The following TFCP2 variants were observed in gnomAD, a reference collection of about 807,000 sequenced individuals.
TFCP2 encodes the protein alpha-globin transcription factor CP2.
A neutral mutation model predicts 73.4 loss-of-function variants in TFCP2; 33 were observed. That is an observed-to-expected ratio of 0.45 (90% CI 0.34 to 0.60). TFCP2 has a LOEUF of 0.60. TFCP2 is among the 20% of genes least tolerant of loss of function. The pLI, the probability that TFCP2 is intolerant of heterozygous loss-of-function variation, is 0.01. For missense variants in TFCP2, 352 were observed against 604.0 expected, an observed-to-expected ratio of 0.58 and a Z score of 4.37; for synonymous variants, 193 against 211.6, an observed-to-expected ratio of 0.91 and a Z score of 0.76.
At chr12:51,105,826 C>G (rs1245087515) in intron 8 of TFCP2, among the ~76,000 whole-genome samples, 3 of 152,144 alleles carry the variant, frequency 2.0e-5, no homozygotes, top group African/African-American at 7.2e-5. Context: ...ACAAACATTG[C>G]AACCAAACAA....
intron 1 of TFCP2, among the ~76,000 whole-genome samples, chr12:51,161,005 A>G (rs977750914): frequency 1.3e-5 from 2 of 152,152 alleles, no homozygotes; most frequent in African/African-American, 4.8e-5. Context: ...ACACATGCAC[A>G]CCCCCGACTG....
At chr12:51,109,034 C>T (rs899864407) in intron 6 of TFCP2, 87 bp downstream of exon 6, 1 of 1,462,458 alleles carries the variant, frequency 6.8e-7, no homozygotes, top group Non-Finnish European at 9.3e-7. Flanking sequence ...CAAAAAAAGA[C>T]AAGTTGATTT....
intron 1 of TFCP2, among the ~76,000 whole-genome samples, chr12:51,159,449 A>C (rs1165639717): frequency 6.6e-6 from 1 of 151,148 alleles, no homozygotes; most frequent in African/African-American, 2.4e-5. Context: ...AGCGATTCTC[A>C]TGCCTCAGCC....
At chr12:51,099,442 T>C (rs568390924) in intron 12 of TFCP2, among the ~76,000 whole-genome samples, 2 of 150,782 alleles carry the variant, frequency 1.3e-5, no homozygotes, top group South Asian at 4.2e-4. Flanking sequence ...TGTGCCACTG[T>C]ACTTCAGCCT....
chr12:51,131,111 C>A (rs1005421512), intron 1 of TFCP2, among the ~76,000 whole-genome samples: 1 of 150,806 alleles, frequency 6.6e-6, no homozygotes, highest in Non-Finnish European at 1.5e-5. Context: ...GGGCGGATCA[C>A]GGGGTCAGGA....
chr12:51,095,361 G>A (rs1939930175), intron 14 of TFCP2, 83 bp from the exon 15 acceptor site: 11 of 1,444,572 alleles, frequency 7.6e-6, no homozygotes, highest in Middle Eastern at 1.7e-4. Context: ...TAAGATTCTC[G>A]TGAGAAGGGG....
chr12:51,106,091 G>C (rs1940231962), intron 8 of TFCP2, among the ~76,000 whole-genome samples: 1 of 152,160 alleles, frequency 6.6e-6, no homozygotes, highest in African/African-American at 2.4e-5. Flanking sequence ...ATAATTAGGT[G>C]TTAGAAGTAT....
chr12:51,117,791 C>A, intron 2 of TFCP2, 44 bp from the exon 3 acceptor site: 1 of 1,370,216 alleles, frequency 7.3e-7, no homozygotes, highest in Non-Finnish European at 1.0e-6. Context: ...CACAAATTAA[C>A]TTTGCTAGAT....
intron 1 of TFCP2, among the ~76,000 whole-genome samples, chr12:51,156,070 A>G (rs888685596): frequency 7.4e-5 from 11 of 148,048 alleles, no homozygotes; most frequent in African/African-American, 2.7e-4. Context: ...AAAAAAAAAA[A>G]AGAAAGAACT....
chr12:51,136,318 GAA>G, intron 1 of TFCP2, among the ~76,000 whole-genome samples: 1 of 137,334 alleles, frequency 7.3e-6, no homozygotes, highest in South Asian at 2.4e-4. Context: ...AAAAAAAAAA[GAA>G]AAAGAAAAAG....
chr12:51,172,413 C>T lies in TFCP2; in HGVS notation c.10G>A (p.Ala4Thr), dbSNP rs1187189577. The T allele has an allele frequency of 1.2e-6, 2 of 1,613,970 alleles. No individual in the cohort carries two copies. The highest frequency in any genetic ancestry group is 1.3e-5 in the African/African-American group (1 of 74,904). ...TCGTCGGCCAGAGGCAGCTTCAGAG[C>T]CCAGGCCATCCTGGCTCCTTCCTTG... The part of the protein sequence containing the change: MAW[A>T]LKLPLADEVI... The change falls in exon 1 of 15, where the codon GCT becomes ACT. Residue 4 changes from alanine to threonine, a missense_variant. Around this residue, in one of 6 missense-constraint regions of TFCP2, gnomAD observed 76 missense variants for 163.2 expected, o/e 0.47. Coordinates refer to ENST00000257915, the MANE Select transcript of TFCP2 (RefSeq NM_005653.5).
chr12:51,133,012 T>C (rs1940982937), intron 1 of TFCP2, among the ~76,000 whole-genome samples: 1 of 152,210 alleles, frequency 6.6e-6, no homozygotes, highest in African/African-American at 2.4e-5. Flanking sequence ...TTTTTGTGCG[T>C]GGTTTGTTAT....
At chr12:51,097,303 C>A (rs1413654615) in intron 13 of TFCP2, among the ~76,000 whole-genome samples, 8 of 151,820 alleles carry the variant, frequency 5.3e-5, no homozygotes, top group African/African-American at 1.9e-4. Context: ...GGCTGGAGTG[C>A]GGTGGCGCAA....
chr12:51,157,913 G>A (rs947108419), intron 1 of TFCP2, among the ~76,000 whole-genome samples: 2 of 151,692 alleles, frequency 1.3e-5, no homozygotes, highest in Non-Finnish European at 2.9e-5. Flanking sequence ...CCTGACCTCA[G>A]GTGATCCTCC....
At chr12:51,161,005 AC>A (rs1244502688) in intron 1 of TFCP2, among the ~76,000 whole-genome samples, 19 of 152,270 alleles carry the variant, frequency 1.2e-4, no homozygotes, top group African/African-American at 4.1e-4. Flanking sequence ...ACACATGCAC[AC>A]CCCCGACTGA....
intron 2 of TFCP2, 40 bp downstream of exon 2, chr12:51,118,581 T>C (rs1385235822): frequency 1.3e-6 from 2 of 1,593,738 alleles, no homozygotes; most frequent in Middle Eastern, 1.7e-4. Context: ...ATAAATACAG[T>C]AGGTCTGCAA....
chr12:51,099,717 T>G lies in TFCP2; in HGVS notation c.1214A>C (p.Gln405Pro). ...CTGCTGCTGTTGCTGCTGCTGTTGTTGCTGCTCCCTCAACTGCAGTGATTC... is the reference window on the plus strand; with the variant it reads ...CTGCTGCTGTTGCTGCTGCTGTTGTGGCTGCTCCCTCAACTGCAGTGATTC... Reference protein sequence around the residue: ...CQESLQLREQQQQQQQQQQKH... With the variant: ...CQESLQLREQPQQQQQQQQKH... The change falls in exon 12 of 15, where the codon CAA (glutamine) becomes CCA (proline). Residue 405 changes from glutamine (Q) to proline (P), a missense_variant. Physicochemically the swap from Gln to Pro is moderately conservative, Grantham distance 76. Transcript: ENST00000257915. The G allele has an allele frequency of 1.9e-6, 3 of 1,614,208 alleles. No homozygotes were observed. The highest frequency in any genetic ancestry group is 2.5e-6 in the Non-Finnish European group (3 of 1,180,040).
chr12:51,103,771 G>A lies in TFCP2; in HGVS notation c.967-8C>T, dbSNP rs753037240. 1.9e-6 allele frequency: 3 copies of A among 1,608,158 alleles called. No homozygotes were observed. The East Asian group carries it at 6.7e-5, about 36-fold the overall frequency. On this transcript the variant is annotated splice_region_variant and splice_polypyrimidine_tract_variant and intron_variant, in intron 9 of 14. Coordinates refer to ENST00000257915, the MANE Select transcript of TFCP2 (RefSeq NM_005653.5). ...GGTTGTTGGTAAGAGGTTCTGAAAG[G>A]GAGAGCACGTTTTTTAGATAACCAA...
intron 1 of TFCP2, among the ~76,000 whole-genome samples, chr12:51,148,905 A>T (rs1191074501): frequency 1.4e-5 from 2 of 146,138 alleles, no homozygotes; most frequent in Non-Finnish European, 3.0e-5. Flanking sequence ...GGCACCTGTA[A>T]TTCCAGCTAC....
Sources: gnomAD v4.1 joint callset for allele counts (sites outside exome capture counted in the v4.1 genomes callset) on GRCh38, gnomAD v4.1.1 for gene constraint, gnomAD v4.1.1 regional missense constraint, MANE v1.5 for transcripts, NCBI Gene and HGNC (gene_info 2026-07-23, HGNC 2026-07-21) for gene names.